The following CSPP1 variants were observed in gnomAD, a reference collection of about 807,000 sequenced individuals.
The protein encoded by CSPP1 is centrosome and spindle pole associated protein 1, also known as centrosome and spindle pole-associated protein 1.
In CSPP1, 126 loss-of-function variants were observed where a neutral mutation model predicts 164.4. That is an observed-to-expected ratio of 0.77 (90% CI 0.66 to 0.89). The LOEUF (loss-of-function observed/expected upper bound fraction) is 0.89, where lower values mean the gene tolerates loss of function less well. CSPP1 is among the 40% of genes least tolerant of loss of function. CSPP1 has a pLI of 0.00. For missense variants in CSPP1, 1,395 were observed against 1,449.8 expected (o/e 0.96, Z 0.61); for synonymous variants, 472 against 476.7 (o/e 0.99, Z 0.13).
chr8:67,117,302 T>G (rs1021769014), intron 13 of CSPP1, among the ~76,000 whole-genome samples: 5 of 152,198 alleles, frequency 3.3e-5, no homozygotes, highest in Non-Finnish European at 7.4e-5. Context: ...ATGTGAAAGA[T>G]ATTCCCTACT....
At chr8:67,144,752 A>G (rs1430772292) in intron 17 of CSPP1, among the ~76,000 whole-genome samples, 1 of 152,082 alleles carries the variant, frequency 6.6e-6, no homozygotes, top group Non-Finnish European at 1.5e-5. Flanking sequence ...CCTAGCTGGG[A>G]AATGTTTTTT....
chr8:67,111,745 A>G (rs1315619691), intron 9 of CSPP1, among the ~76,000 whole-genome samples: 3 of 152,204 alleles, frequency 2.0e-5, no homozygotes, highest in African/African-American at 4.8e-5. Context: ...GACTAATGGT[A>G]GAGGCATGGG....
In CSPP1 at chr8:67,064,454, T is replaced by C. The variant is rs780907241; in HGVS notation, c.-95T>C. On this transcript the variant is annotated 5_prime_UTR_variant, in exon 1 of 31. Coordinates refer to ENST00000678616, the MANE Select transcript of CSPP1 (RefSeq NM_001382391.1). ...ACCTCTTCGGTCCGCGACGATCCTC[T>C]AGAGCACTGTGTGTCTCCCCGGACG... 1 of 1,613,970 alleles carries C rather than the reference T, an allele frequency of 6.2e-7. No individual in the cohort carries two copies. Among genetic ancestry groups the C allele is most frequent in the Non-Finnish European group, 8.5e-7 (1 of 1,179,890 alleles).
chr8:67,078,083 G>C (rs1808335998), intron 3 of CSPP1, among the ~76,000 whole-genome samples: 1 of 151,990 alleles, frequency 6.6e-6, no homozygotes, highest in Non-Finnish European at 1.5e-5. Flanking sequence ...ATTATTCCAA[G>C]AGATAATTTT....
intron 25 of CSPP1, 31 bp from the exon 26 acceptor site, chr8:67,175,265 A>C (rs1452472188): frequency 6.5e-7 from 1 of 1,534,186 alleles, no homozygotes; most frequent in African/African-American, 1.4e-5. Context: ...ACAACATTTA[A>C]CTTAGTTATA....
intron 15 of CSPP1, among the ~76,000 whole-genome samples, chr8:67,126,876 A>G (rs1220692420): frequency 6.6e-6 from 1 of 152,146 alleles, no homozygotes; most frequent in African/African-American, 2.4e-5. Flanking sequence ...AAACCCCAGG[A>G]TAGTGAGTTC....
At chr8:67,161,664 T>C in intron 21 of CSPP1, 147 bp from the exon 22 acceptor site, 1 of 504,134 alleles carries the variant, frequency 2.0e-6, no homozygotes, top group Non-Finnish European at 3.5e-6. Flanking sequence ...AATTTCTGAC[T>C]TTTGTAGAAA....
intron 7 of CSPP1, among the ~76,000 whole-genome samples, chr8:67,096,384 G>A (rs549719976): frequency 1.8e-4 from 28 of 151,972 alleles, no homozygotes; most frequent in Non-Finnish European, 3.7e-4. Context: ...GACCAACAGG[G>A]TGAAACCCTG....
At chr8:67,170,832 G>A (rs1830322808) in intron 24 of CSPP1, among the ~76,000 whole-genome samples, 1 of 151,934 alleles carries the variant, frequency 6.6e-6, no homozygotes, top group African/African-American at 2.4e-5. Context: ...TGTCACCCAG[G>A]CTGGAGTGCA....
Position 67,168,713 on chromosome 8 carries a change from G to A in CSPP1, c.2829-3703G>A, listed in dbSNP as rs377501791. Among the ~76,000 whole-genome samples, 196 of 152,214 alleles carry A rather than the reference G, an allele frequency of 1.3e-3. 1 individual carries two copies. The Middle Eastern group carries it at 0.017, about 13-fold the overall frequency. On this transcript the variant is annotated intron_variant, in intron 24 of 30. Coordinates refer to ENST00000678616, the MANE Select transcript of CSPP1 (RefSeq NM_001382391.1). The stretch of plus-strand genomic sequence containing the variant: ...CTTTATTGCAATTTCATGAATATAT[G>A]TACAAAAGGAATCTTGTATTCACTA...
At chr8:67,188,437 G>A (rs1400973577) in intron 28 of CSPP1, among the ~76,000 whole-genome samples, 2 of 152,192 alleles carry the variant, frequency 1.3e-5, no homozygotes, top group Non-Finnish European at 2.9e-5. Context: ...TTAGGCTAAA[G>A]CAGGAGGTAA....
At chr8:67,110,728 G>C (rs1327173801) in intron 9 of CSPP1, among the ~76,000 whole-genome samples, 1 of 152,188 alleles carries the variant, frequency 6.6e-6, no homozygotes, top group East Asian at 1.9e-4. Flanking sequence ...TCTGTGGTCT[G>C]GAAATTTCAT....
chr8:67,149,947 C>CTTTTTTTTTTTTTTTTTTTTTT lies in CSPP1; in HGVS notation c.2128+15_2128+36dup, dbSNP rs11296619. On this transcript the variant is annotated intron_variant, in intron 18 of 30. Coordinates refer to ENST00000678616, the MANE Select transcript of CSPP1 (RefSeq NM_001382391.1). ...AAATAAAAGCTCAGGTTTTTAATCA[C>CTTTTTTTTTTTTTTTTTTTTTT]TTTTTTTTTTTTTTTTTTTTTTTTA... is the stretch of plus-strand genomic sequence containing the variant. 2.0e-6 allele frequency: 2 copies of CTTTTTTTTTTTTTTTTTTTTTT among 983,934 alleles called. No homozygotes were observed. The highest frequency in any genetic ancestry group is 2.6e-6 in the Non-Finnish European group (2 of 760,608). 61.0% of individuals were successfully genotyped at this position (983,934 alleles called of 1,614,324 possible).
At chr8:67,082,459 T>G (rs1380066434) in intron 3 of CSPP1, among the ~76,000 whole-genome samples, 1 of 152,238 alleles carries the variant, frequency 6.6e-6, no homozygotes, top group African/African-American at 2.4e-5. Flanking sequence ...AAATGGGTCC[T>G]TGTAGTGATA....
intron 28 of CSPP1, among the ~76,000 whole-genome samples, chr8:67,182,825 C>T (rs183925844): frequency 2.6e-5 from 4 of 152,226 alleles, no homozygotes; most frequent in East Asian, 1.9e-4. Flanking sequence ...TTTTTAAAAT[C>T]AGAGTTTTTT....
At chr8:67,143,140 G>C (rs76731684) in intron 17 of CSPP1, among the ~76,000 whole-genome samples, 1,884 of 151,656 alleles carry the variant, frequency 0.012, 38 homozygotes, top group African/African-American at 0.044. Context: ...AATGCATTTA[G>C]TTCATGTCTC....
At chr8:67,075,855 T>C (rs888050587) in intron 2 of CSPP1, among the ~76,000 whole-genome samples, 2 of 152,088 alleles carry the variant, frequency 1.3e-5, no homozygotes, top group African/African-American at 4.8e-5. Context: ...GATTCAGGAG[T>C]GGAACCTTTA....
At chr8:67,065,565 C>A in intron 1 of CSPP1, 2 of 956,004 alleles carry the variant, frequency 2.1e-6, no homozygotes, top group Non-Finnish European at 2.5e-6. Context: ...TATCATTCTT[C>A]TCCCTAGGAG....
intron 3 of CSPP1, among the ~76,000 whole-genome samples, chr8:67,079,828 C>T (rs1280844489): frequency 3.3e-5 from 5 of 152,208 alleles, no homozygotes; most frequent in Admixed American, 6.5e-5. Context: ...ACTTGCATCC[C>T]GTTGTATTTC....
Sources: gnomAD v4.1 joint callset for allele counts (sites outside exome capture counted in the v4.1 genomes callset) on GRCh38, gnomAD v4.1.1 for gene constraint, MANE v1.5 for transcripts, NCBI Gene and HGNC (gene_info 2026-07-23, HGNC 2026-07-21) for gene names.